The following ATP2A3 variants were observed in gnomAD, a reference collection of about 807,000 sequenced individuals.
The protein encoded by ATP2A3 is ATPase sarcoplasmic/endoplasmic reticulum Ca2+ transporting 3, also known as sarcoplasmic/endoplasmic reticulum calcium ATPase 3.
Under a neutral mutation model 106.8 loss-of-function variants are expected in ATP2A3, and 61 were observed. The observed-to-expected ratio is 0.57, with a 90% CI of 0.46 to 0.71. The LOEUF (loss-of-function observed/expected upper bound fraction) is 0.71. ATP2A3 is among the 30% of genes least tolerant of loss of function. ATP2A3 has a pLI of 0.00. For missense variants in ATP2A3, 1,201 were observed against 1,423.5 expected, an observed-to-expected ratio of 0.84 and a Z score of 2.52; for synonymous variants, 611 against 609.3, an observed-to-expected ratio of 1.00 and a Z score of -0.04.
chr17:3,930,953 T>C lies in ATP2A3; in HGVS notation c.2611-519A>G, dbSNP rs1284128990. ...GTCAGGAGTTTGGGACCAGCCTGGC[T>C]AACATGGTGAAACCCCGTCTCTACT... is the stretch of plus-strand genomic sequence containing the variant. On this transcript the variant is annotated intron_variant, in intron 17 of 20. Transcript: ENST00000397041. The surrounding 1 kb of genome is among the most constrained non-coding windows in gnomAD (Gnocchi z 5.4). 6 of 240,734 alleles carry C rather than the reference T, an allele frequency of 2.5e-5. No individual in the cohort carries two copies. Among genetic ancestry groups the C allele is most frequent in the Non-Finnish European group, 5.0e-5 (6 of 120,196 alleles). The allele number at this position is 240,734 out of a possible 1,614,324, so 14.9% of individuals were successfully genotyped here.
chr17:3,930,873 C>T lies in ATP2A3; in HGVS notation c.2611-439G>A, dbSNP rs569140276. The T allele has an allele frequency of 4.8e-5, 14 of 292,072 alleles. No individual in the cohort carries two copies. The highest frequency in any genetic ancestry group is 6.7e-5 in the Non-Finnish European group (10 of 148,258). The allele number at this position is 292,072 out of a possible 1,614,324, so 18.1% of individuals were successfully genotyped here. A position where few individuals can be genotyped will look rare whatever the true frequency, so the allele number is the denominator to read the frequency against. On this transcript the variant is annotated intron_variant, in intron 17 of 20. Transcript: ENST00000397041. This position sits in a 1 kb window ranked among gnomAD's most constrained non-coding sequence, Gnocchi z 5.4. ...TATTAAGATTCCATTTACAGCTGGG[C>T]GTGGTGGCTCATGCCTGTCATCCCA...
rs144288676 is a variant in ATP2A3, at chr17:3,947,734, C to T, written c.752G>A (p.Arg251His). The T allele has an allele frequency of 1.2e-5, 19 of 1,609,224 alleles. No individual in the cohort carries two copies. The highest frequency in any genetic ancestry group is 1.0e-4 in the Admixed American group (6 of 59,992). Residue 251 changes from arginine to histidine, a missense_variant, in exon 8 of 21, where the codon CGC (arginine) becomes CAC (histidine). Around this residue, in one of 2 missense-constraint regions of ATP2A3, gnomAD observed 935 missense variants for 1,176.7 expected, o/e 0.79. Transcript: ENST00000397041. The surrounding 1 kb of genome is among the most constrained non-coding windows in gnomAD (Gnocchi z 7.7). ...AVEPERTPLQ[R>H]KLDEFGRQLS... Reference sequence around the variant, plus strand: ...CTGCCGTCCAAACTCGTCCAGCTTGCGCTGCAGCGGCGTCCGCTCGGGCTC... The same window carrying T: ...CTGCCGTCCAAACTCGTCCAGCTTGTGCTGCAGCGGCGTCCGCTCGGGCTC...
rs927952707 is a variant in ATP2A3 at position 3,926,254 on chromosome 17, C to T, written c.2981-813G>A. 1.3e-5 allele frequency among the ~76,000 whole-genome samples: 2 copies of T among 152,328 alleles called. No individual in the cohort carries two copies. The highest frequency in any genetic ancestry group is 1.9e-4 in the East Asian group (1 of 5,184). On this transcript the variant is annotated intron_variant, in intron 20 of 20. Coordinates refer to ENST00000397041, the MANE Select transcript of ATP2A3 (RefSeq NM_005173.4). The surrounding 1 kb of genome is among the most constrained non-coding windows in gnomAD (Gnocchi z 4.6). Reference sequence around the variant, plus strand: ...AAAGGCCACCCAGCTGGCTTGGGAGCGCAAAGGGTCCCTCTCTCACCCCCG... The same window carrying T: ...AAAGGCCACCCAGCTGGCTTGGGAGTGCAAAGGGTCCCTCTCTCACCCCCG...
At position 3,964,366 on chromosome 17, in the gene ATP2A3, CGGGG is replaced by C; in HGVS notation, c.-79_-76del. The C allele has an allele frequency of 1.2e-6, 1 of 831,442 alleles. No individual in the cohort carries two copies. Among genetic ancestry groups the C allele is most frequent in the Non-Finnish European group, 1.5e-6 (1 of 666,256 alleles). The allele number at this position is 831,442 out of a possible 1,614,324, so 51.5% of individuals were successfully genotyped here. A position where few individuals can be genotyped will look rare whatever the true frequency, so the allele number is the denominator to read the frequency against. ...CGCCGGGGGGCTACAAAGCGGGGCG[CGGGG>C]GACTCGGGCCCGGGCGGGCGCCGCG... On this transcript the variant is annotated 5_prime_UTR_variant, in exon 1 of 21. The change abolishes the stop of an existing upstream ORF in the 5' untranslated region. Transcript: ENST00000397041.
Position 3,944,725 on chromosome 17 carries a change from G to A in ATP2A3, c.1266C>T (p.Asp422=). Reference sequence around the variant, plus strand: ...CCACCTCGTTGTAGTCCAGAGCCGAGTCGTTGCACAGGGCGCAGATGGTCG... The same window carrying A: ...CCACCTCGTTGTAGTCCAGAGCCGAATCGTTGCACAGGGCGCAGATGGTCG... The part of the protein sequence containing the change: ...ELATICALCN[D]SALDYNEAKG... Residue 422 remains aspartate, a synonymous_variant, in exon 10 of 21, where the codon GAC becomes GAT. Transcript: ENST00000397041. 1 of 1,613,394 alleles carries A rather than the reference G, an allele frequency of 6.2e-7. No homozygotes were observed. Among genetic ancestry groups the A allele is most frequent in the Non-Finnish European group, 8.5e-7 (1 of 1,179,702 alleles).
chr17:3,928,454 G>T lies in ATP2A3; in HGVS notation c.2980+209C>A. 2 of 1,058,764 alleles carry T rather than the reference G, an allele frequency of 1.9e-6. No homozygotes were observed. The highest frequency in any genetic ancestry group is 2.8e-6 in the Non-Finnish European group (2 of 707,686). 65.6% of individuals were successfully genotyped at this position (1,058,764 alleles called of 1,614,324 possible). A position where few individuals can be genotyped will look rare whatever the true frequency, so the allele number is the denominator to read the frequency against. ...GGTGCTCCCGTTGCTGGCCCAGTGAGCCCAGGTCCCCTGCAGTGCAAGACC... is the reference window on the plus strand; with the variant it reads ...GGTGCTCCCGTTGCTGGCCCAGTGATCCCAGGTCCCCTGCAGTGCAAGACC... On this transcript the variant is annotated intron_variant, in intron 20 of 20. Transcript: ENST00000397041. The surrounding 1 kb of genome is among the most constrained non-coding windows in gnomAD (Gnocchi z 6.1).
rs1454770615 is a variant in ATP2A3 at position 3,928,059 on chromosome 17, C to T, written c.2980+604G>A. 1.1e-5 allele frequency: 18 copies of T among 1,613,862 alleles called. No homozygotes were observed. Among genetic ancestry groups the T allele is most frequent in the Non-Finnish European group, 1.4e-5 (16 of 1,179,958 alleles). ...TGGCCCTTGGAAGTTCAGAATCACC[C>T]ACTCTCAGAGCCCACCTGGCAGAGG... On this transcript the variant is annotated intron_variant, in intron 20 of 20. Coordinates refer to ENST00000397041, the MANE Select transcript of ATP2A3 (RefSeq NM_005173.4). This position sits in a 1 kb window ranked among gnomAD's most constrained non-coding sequence, Gnocchi z 6.1.
In ATP2A3 at chr17:3,936,318, G is replaced by C. The variant is rs888344415; in HGVS notation, c.2473C>G (p.Arg825Gly). The part of the protein sequence containing the change: ...DIMEKLPRSP[R>G]EALISGWLFF... ...AGCCAGCCACTGATGAGGGCTTCTCGGGGGCTCCGGGGCAGCTTCTCCATG... is the reference window on the plus strand; with the variant it reads ...AGCCAGCCACTGATGAGGGCTTCTCCGGGGCTCCGGGGCAGCTTCTCCATG... Residue 825 changes from arginine to glycine, a missense_variant, in exon 16 of 21, where the codon CGA becomes GGA. By Grantham distance (125) the Arg-to-Gly change is moderately radical. Transcript: ENST00000397041. The surrounding 1 kb of genome is among the most constrained non-coding windows in gnomAD (Gnocchi z 5.4). 61 of 1,613,958 alleles carry C rather than the reference G, an allele frequency of 3.8e-5. No homozygotes were observed. Among genetic ancestry groups the C allele is most frequent in the Non-Finnish European group, 4.9e-5 (58 of 1,180,018 alleles).
rs149009781 is a variant in ATP2A3 at position 3,936,346 on chromosome 17, G to A, written c.2445C>T (p.Asp815=). The A allele has an allele frequency of 5.0e-6, 8 of 1,614,044 alleles. No homozygotes were observed. Among genetic ancestry groups the A allele is most frequent in the South Asian group, 4.4e-5 (4 of 91,086 alleles). Residue 815 remains aspartate (D), a synonymous_variant, in exon 16 of 21, where the codon GAC becomes GAT. Coordinates refer to ENST00000397041, the MANE Select transcript of ATP2A3 (RefSeq NM_005173.4). The surrounding 1 kb of genome is among the most constrained non-coding windows in gnomAD (Gnocchi z 5.4). ...GGCTCCGGGGCAGCTTCTCCATGAT[G>A]TCCAGGTCTGGCGGGTTGAAGCCCA... The part of the protein sequence containing the change: ...TALGFNPPDL[D]IMEKLPRSPR...
Position 3,947,243 on chromosome 17 carries a change from T to C in ATP2A3, c.1095+148A>G. ...ATTTGCTATAGTCTCCCTGTCATCT[T>C]GTGAAAACCTGGACCTGCTCTGGGC... On this transcript the variant is annotated intron_variant, in intron 8 of 20. Coordinates refer to ENST00000397041, the MANE Select transcript of ATP2A3 (RefSeq NM_005173.4). This position sits in a 1 kb window ranked among gnomAD's most constrained non-coding sequence, Gnocchi z 7.7. 1 of 952,196 alleles carries C rather than the reference T, an allele frequency of 1.1e-6. No individual in the cohort carries two copies. The highest frequency in any genetic ancestry group is 1.6e-5 in the African/African-American group (1 of 61,910). 59.0% of individuals were successfully genotyped at this position (952,196 alleles called of 1,614,324 possible). A position where few individuals can be genotyped will look rare whatever the true frequency, so the allele number is the denominator to read the frequency against.
chr17:3,936,571 T>C lies in ATP2A3; in HGVS notation c.2322-102A>G, dbSNP rs2053455602. The C allele has an allele frequency of 1.8e-5, 23 of 1,256,812 alleles. No homozygotes were observed. Among genetic ancestry groups the C allele is most frequent in the African/African-American group, 4.4e-5 (3 of 67,554 alleles). The allele number at this position is 1,256,812 out of a possible 1,614,324, so 77.9% of individuals were successfully genotyped here. A position where few individuals can be genotyped will look rare whatever the true frequency, so the allele number is the denominator to read the frequency against. On this transcript the variant is annotated intron_variant, in intron 15 of 20. Coordinates refer to ENST00000397041, the MANE Select transcript of ATP2A3 (RefSeq NM_005173.4). The surrounding 1 kb of genome is among the most constrained non-coding windows in gnomAD (Gnocchi z 5.4). ...CAAGGCTGGGAGCTCACCCACCCAC[T>C]GTCTCCACAGCAGCCCCTCCTCCCT... is the stretch of plus-strand genomic sequence containing the variant.
rs771088134 is a variant in ATP2A3 at position 3,930,441 on chromosome 17, G to A, written c.2611-7C>T. The A allele has an allele frequency of 8.7e-6, 14 of 1,613,580 alleles. No individual in the cohort carries two copies. The highest frequency in any genetic ancestry group is 1.6e-4 in the Middle Eastern group (1 of 6,084). On this transcript the variant is annotated splice_region_variant and splice_polypyrimidine_tract_variant and intron_variant, in intron 17 of 20. Transcript: ENST00000397041. This position sits in a 1 kb window ranked among gnomAD's most constrained non-coding sequence, Gnocchi z 5.4. Reference sequence around the variant, plus strand: ...AGCACTTCAGGAAGTTCCTCTGGGGGCACCGTGGCAGGTCAGAGAGAGCGG... The same window carrying A: ...AGCACTTCAGGAAGTTCCTCTGGGGACACCGTGGCAGGTCAGAGAGAGCGG...
intron 7 of ATP2A3, among the ~76,000 whole-genome samples, chr17:3,950,119 A>G (rs2144625419): frequency 6.7e-6 from 1 of 150,196 alleles, no homozygotes; most frequent in African/African-American, 2.4e-5. Context: ...CCGAGATCGT[A>G]CCACTGCACT....
intron 1 of ATP2A3, among the ~76,000 whole-genome samples, chr17:3,956,184 G>A (rs1221580548): frequency 6.6e-6 from 1 of 152,088 alleles, no homozygotes; most frequent in African/African-American, 2.4e-5. Context: ...GCCCGGCTCA[G>A]TTCACCTTTC....
In ATP2A3 at chr17:3,930,520, G is replaced by T. The variant is rs1168803301; in HGVS notation, c.2611-86C>A. ...AGGAGGGAAGCCTCATCCTGCCCTT[G>T]GCCCACGCCTGGGCACAACCAGCAC... On this transcript the variant is annotated intron_variant, in intron 17 of 20. Transcript: ENST00000397041. The surrounding 1 kb of genome is among the most constrained non-coding windows in gnomAD (Gnocchi z 5.4). The T allele has an allele frequency of 1.3e-6, 2 of 1,581,064 alleles. No homozygotes were observed. Among genetic ancestry groups the T allele is most frequent in the African/African-American group, 2.7e-5 (2 of 74,444 alleles).
At position 3,936,817 on chromosome 17, in the gene ATP2A3, A is replaced by C; in HGVS notation, c.2322-348T>G. On this transcript the variant is annotated intron_variant, in intron 15 of 20. Coordinates refer to ENST00000397041, the MANE Select transcript of ATP2A3 (RefSeq NM_005173.4). The surrounding 1 kb of genome is among the most constrained non-coding windows in gnomAD (Gnocchi z 5.4). ...GCAAAAACCTAGCACATGCCACACCATCCGGCAAACACAAGCAAACACCTA... is the reference window on the plus strand; with the variant it reads ...GCAAAAACCTAGCACATGCCACACCCTCCGGCAAACACAAGCAAACACCTA... 1 of 377,812 alleles carries C rather than the reference A, an allele frequency of 2.6e-6. No individual in the cohort carries two copies. 23.4% of individuals were successfully genotyped at this position (377,812 alleles called of 1,614,324 possible).
chr17:3,951,223 AAAAT>A, intron 5 of ATP2A3, 24 bp downstream of exon 5: 2 of 1,363,824 alleles, frequency 1.5e-6, no homozygotes, highest in Non-Finnish European at 1.9e-6. Context: ...AAAATAAAAT[AAAAT>A]AAAAGGAGGA....
intron 16 of ATP2A3, among the ~76,000 whole-genome samples, chr17:3,935,857 TC>T (rs2053414509): frequency 6.6e-6 from 1 of 152,172 alleles, no homozygotes; most frequent in South Asian, 2.1e-4. Context: ...ACTCCAGACC[TC>T]AAGTGATCTG....
At position 3,936,133 on chromosome 17, in the gene ATP2A3, C is replaced by A. The variant is rs1321305267; in HGVS notation, c.2524+134G>T. ...AGACCCAGATCCCGCCATGCCTGGT[C>A]TTTTCCATTACATGAGCTCATACAG... On this transcript the variant is annotated intron_variant, in intron 16 of 20. Coordinates refer to ENST00000397041, the MANE Select transcript of ATP2A3 (RefSeq NM_005173.4). This position sits in a 1 kb window ranked among gnomAD's most constrained non-coding sequence, Gnocchi z 5.4. 8.3e-7 allele frequency: 1 copy of A among 1,206,928 alleles called. No homozygotes were observed. The highest frequency in any genetic ancestry group is 1.9e-5 in the Admixed American group (1 of 52,874). 74.8% of individuals were successfully genotyped at this position (1,206,928 alleles called of 1,614,324 possible).
Sources: allele counts gnomAD v4.1 joint callset (sites outside exome capture counted in the v4.1 genomes callset), GRCh38; gene constraint gnomAD v4.1.1; regional missense constraint gnomAD v4.1.1; non-coding constraint Gnocchi (gnomAD v3.1); transcripts MANE v1.5; gene names NCBI Gene and HGNC (gene_info 2026-07-23, HGNC 2026-07-21).